NRAP: variants seen among roughly 807,000 people sequenced by gnomAD.
The protein encoded by NRAP is nebulin related anchoring protein.
NRAP carries 189 observed loss-of-function variants against 225.9 expected under a neutral mutation model. The ratio of observed to expected loss-of-function variants is 0.84; its 90% CI spans 0.74 to 0.94. The LOEUF (loss-of-function observed/expected upper bound fraction) is 0.94. Among genes scored for constraint, NRAP ranks in the 40% least tolerant of loss-of-function variants. The probability of loss-of-function intolerance (pLI) is 0.00; values close to 1 mark genes in which losing one functional copy is unlikely to be tolerated. For missense variants in NRAP, 2,176 were observed against 2,168.7 expected (o/e 1.00, Z -0.07); for synonymous variants, 769 against 790.7 (o/e 0.97, Z 0.46).
Position 113,620,625 on chromosome 10 carries a change from C to T in NRAP, c.2853G>A (p.Lys951=). 1 of 1,613,028 alleles carries T rather than the reference C, an allele frequency of 6.2e-7. No homozygotes were observed. The highest frequency in any genetic ancestry group is 8.5e-7 in the Non-Finnish European group (1 of 1,179,114). The change falls in exon 25 of 42, where the codon AAG becomes AAA. Residue 951 remains lysine, a synonymous_variant. Coordinates refer to ENST00000359988, the MANE Select transcript of NRAP (RefSeq NM_198060.4). ...TGSLNVEQAK[K]AGELISEKKY... is the part of the protein sequence containing the mutation. ...TCACCTCGCTAATGAGTTCTCCTGC[C>T]TTCTTCGCCTGCTCCACATTTAATG...
chr10:113,599,865 CCT>C (rs930142585), intron 35 of NRAP, among the ~76,000 whole-genome samples: 17 of 152,074 alleles, frequency 1.1e-4, no homozygotes, highest in African/African-American at 3.6e-4. Flanking sequence ...CTTTTTTTCC[CCT>C]CTTACATACT....
chr10:113,647,502 C>T (rs988192768), intron 9 of NRAP, among the ~76,000 whole-genome samples: 9 of 149,614 alleles, frequency 6.0e-5, no homozygotes, highest in East Asian at 4.0e-4. Flanking sequence ...GTACTGCCTC[C>T]CCAAGTGGTA....
intron 39 of NRAP, among the ~76,000 whole-genome samples, chr10:113,591,850 T>G (rs1487494662): frequency 6.6e-6 from 1 of 152,224 alleles, no homozygotes; most frequent in Non-Finnish European, 1.5e-5. Context: ...GCCCTATCTC[T>G]TTCTACTCTA....
At chr10:113,592,409 G>T in intron 38 of NRAP, 108 bp from the exon 39 acceptor site, 1 of 652,760 alleles carries the variant, frequency 1.5e-6, no homozygotes, top group South Asian at 2.1e-5. Flanking sequence ...TTCCTAGGAC[G>T]GCACAGCCTA....
At chr10:113,609,966 G>GA (rs556665671) in intron 31 of NRAP, among the ~76,000 whole-genome samples, 342 of 116,506 alleles carry the variant, frequency 2.9e-3, no homozygotes, top group Admixed American at 3.2e-3. Flanking sequence ...AATCCAGTAA[G>GA]AAAAAAAAAA....
chr10:113,599,642 A>G (rs572940375), intron 35 of NRAP, among the ~76,000 whole-genome samples: 3 of 152,302 alleles, frequency 2.0e-5, no homozygotes, highest in Non-Finnish European at 2.9e-5. Flanking sequence ...TGGATTGTCT[A>G]TTGATATCTC....
chr10:113,593,504 A>C (rs1412692073), intron 38 of NRAP, among the ~76,000 whole-genome samples: 1 of 152,168 alleles, frequency 6.6e-6, no homozygotes, highest in African/African-American at 2.4e-5. Flanking sequence ...GATGCCGTAA[A>C]CCCTGAGCCA....
intron 28 of NRAP, 55 bp downstream of exon 28, chr10:113,614,784 G>T (rs762996992): frequency 3.0e-5 from 31 of 1,032,102 alleles, no homozygotes; most frequent in Non-Finnish European, 4.5e-5. Context: ...CGGGCAAAAG[G>T]AGTGAAAACG....
In NRAP at chr10:113,622,001, G is replaced by A. The variant is rs770722199; in HGVS notation, c.2637C>T (p.His879=). ...GCTGAGCTTTGCGGGCATGCACGAG[G>A]TGGACCATGTCCAGGGAGACGTGGC... The part of the protein sequence containing the change: ...SQCHVSLDMV[H]LVHARKAQHL... The change falls in exon 24 of 42, where the codon CAC becomes CAT. Residue 879 remains histidine, a synonymous_variant. Transcript: ENST00000359988. 3 of 1,614,220 alleles carry A rather than the reference G, an allele frequency of 1.9e-6. No homozygotes were observed. Among genetic ancestry groups the A allele is most frequent in the East Asian group, 2.2e-5 (1 of 44,892 alleles).
intron 4 of NRAP, among the ~76,000 whole-genome samples, chr10:113,657,198 G>C (rs1221023377): frequency 6.6e-6 from 1 of 152,156 alleles, no homozygotes; most frequent in Non-Finnish European, 1.5e-5. Flanking sequence ...GCTGAGTGAA[G>C]TGTCAGAGAA....
intron 3 of NRAP, 113 bp from the exon 4 acceptor site, chr10:113,657,687 T>G: frequency 1.4e-6 from 1 of 699,490 alleles, no homozygotes; most frequent in Non-Finnish European, 2.6e-6. Flanking sequence ...CTGCAAAGCA[T>G]CTTCACTGTG....
At chr10:113,635,707 C>T (rs372696314) in intron 14 of NRAP, among the ~76,000 whole-genome samples, 3 of 152,214 alleles carry the variant, frequency 2.0e-5, no homozygotes, top group African/African-American at 7.2e-5. Flanking sequence ...GGATTACAGG[C>T]GTGAGCCACC....
In NRAP at chr10:113,650,690, T is replaced by C. The variant is rs566133222; in HGVS notation, c.676-145A>G. The C allele has an allele frequency of 6.4e-5, 42 of 652,208 alleles. No homozygotes were observed. The South Asian group carries it at 7.0e-4, about 11-fold the overall frequency. The allele number at this position is 652,208 out of a possible 1,614,324, so 40.4% of individuals were successfully genotyped here. A position where few individuals can be genotyped will look rare whatever the true frequency, so the allele number is the denominator to read the frequency against. On this transcript the variant is annotated intron_variant, in intron 7 of 41. Transcript: ENST00000359988. ...AATTGGCTTACAGTTTGATGGGCCA[T>C]GTGCATCTTATTCATCTTCTTATTC...
chr10:113,597,531 T>A (rs1846353205), intron 36 of NRAP, among the ~76,000 whole-genome samples: 2 of 152,158 alleles, frequency 1.3e-5, no homozygotes, highest in African/African-American at 4.8e-5. Context: ...GAAGGCAGTG[T>A]CACCTTCGAG....
intron 35 of NRAP, among the ~76,000 whole-genome samples, chr10:113,602,542 T>G (rs1029732797): frequency 6.6e-6 from 1 of 152,218 alleles, no homozygotes; most frequent in Non-Finnish European, 1.5e-5. Flanking sequence ...CACCCTACTC[T>G]ACACTCTGCT....
intron 14 of NRAP, among the ~76,000 whole-genome samples, chr10:113,636,537 G>A (rs150959789): frequency 4.5e-4 from 69 of 152,304 alleles, no homozygotes; most frequent in African/African-American, 1.6e-3. Context: ...GTAAGGAGTC[G>A]AGAGGACTAT....
intron 25 of NRAP, among the ~76,000 whole-genome samples, chr10:113,618,283 T>A (rs774999307): frequency 4.6e-5 from 7 of 152,240 alleles, no homozygotes; most frequent in Non-Finnish European, 8.8e-5. Flanking sequence ...CCATAATTAC[T>A]TCAATGAGAT....
chr10:113,590,086 T>C (rs1335661545), intron 40 of NRAP, among the ~76,000 whole-genome samples: 2 of 152,194 alleles, frequency 1.3e-5, no homozygotes, highest in Admixed American at 6.5e-5. Context: ...CCACACACTC[T>C]GTGGCCTTAG....
chr10:113,615,861 A>T (rs776304601), intron 26 of NRAP, 45 bp from the exon 27 acceptor site: 1 of 1,071,768 alleles, frequency 9.3e-7, no homozygotes, highest in South Asian at 1.3e-5. Flanking sequence ...ACCCCATTCC[A>T]TGCAGCCATC....
Sources: allele counts gnomAD v4.1 joint callset (sites outside exome capture counted in the v4.1 genomes callset), GRCh38; gene constraint gnomAD v4.1.1; transcripts MANE v1.5; gene names NCBI Gene and HGNC (gene_info 2026-07-23, HGNC 2026-07-21).